CAB39: variants seen among roughly 807,000 people sequenced by gnomAD.
CAB39 encodes calcium binding protein 39, also known as calcium-binding protein 39.
A neutral mutation model predicts 40.0 loss-of-function variants in CAB39; 8 were observed. The ratio of observed to expected loss-of-function variants is 0.20; its 90% CI spans 0.12 to 0.36. CAB39 has a LOEUF of 0.36. CAB39 is among the 10% of genes least tolerant of loss of function. CAB39 has a pLI of 1.00. For synonymous variants in CAB39, 156 were observed against 141.6 expected, an observed-to-expected ratio of 1.10 and a Z score of -0.72; for missense variants, 270 against 401.1, an observed-to-expected ratio of 0.67 and a Z score of 2.79.
chr2:230,732,954 C>T (rs1694720707), intron 1 of CAB39, among the ~76,000 whole-genome samples: 2 of 152,152 alleles, frequency 1.3e-5, no homozygotes, highest in Non-Finnish European at 2.9e-5. Flanking sequence ...TTTACGTTAT[C>T]ACTGACAATT....
chr2:230,756,212 A>G (rs138645665), intron 1 of CAB39, among the ~76,000 whole-genome samples: 2 of 152,378 alleles, frequency 1.3e-5, no homozygotes, highest in Admixed American at 1.3e-4. Context: ...TTGTGCAAAC[A>G]TCATAGAGTG....
At chr2:230,757,960 A>G (rs577593401) in intron 1 of CAB39, among the ~76,000 whole-genome samples, 12 of 152,270 alleles carry the variant, frequency 7.9e-5, no homozygotes, top group African/African-American at 2.4e-4. Context: ...CGTCAGTTCA[A>G]ACTTTTAGGC....
In CAB39 at chr2:230,738,395, G is replaced by C. The variant is rs1316060555; in HGVS notation, c.-43-21564G>C. Among the ~76,000 whole-genome samples, 3 of 152,356 alleles carry C rather than the reference G, an allele frequency of 2.0e-5. No homozygotes were observed. In the East Asian group the frequency reaches 5.8e-4, roughly 29 times the overall value. ...CTTTTATATTTGATCATACCAGTCA[G>C]TTGGCAAATGAGGTTTGGTTACTTC... is the stretch of plus-strand genomic sequence containing the variant. On this transcript the variant is annotated intron_variant, in intron 1 of 8. Coordinates refer to ENST00000258418, the MANE Select transcript of CAB39 (RefSeq NM_016289.4).
chr2:230,733,270 A>G (rs1054064986), intron 1 of CAB39, among the ~76,000 whole-genome samples: 3 of 152,176 alleles, frequency 2.0e-5, no homozygotes, highest in East Asian at 1.9e-4. Context: ...TCATCTGACC[A>G]TTCAGCAGTT....
chr2:230,781,558 G>T (rs1416763065), intron 2 of CAB39, among the ~76,000 whole-genome samples: 1 of 152,242 alleles, frequency 6.6e-6, no homozygotes, highest in East Asian at 1.9e-4. Context: ...GCACTGAAAT[G>T]TGCAGGCTTG....
intron 2 of CAB39, among the ~76,000 whole-genome samples, chr2:230,773,314 A>ATATGTGTG (rs371297550): frequency 0.029 from 3,888 of 132,576 alleles, 69 homozygotes; most frequent in Non-Finnish European, 0.034. Context: ...ATATATATAT[A>ATATGTGTG]TGTGTGTGTG....
chr2:230,818,683 A>G lies in CAB39; in HGVS notation c.1005A>G (p.Arg335=). The G allele has an allele frequency of 6.2e-7, 1 of 1,613,712 alleles. No homozygotes were observed. Among genetic ancestry groups the G allele is most frequent in the Non-Finnish European group, 8.5e-7 (1 of 1,179,768 alleles). The change falls in exon 9 of 9, where the codon AGA becomes AGG. Residue 335 remains arginine, a synonymous_variant. Transcript: ENST00000258418. Reference sequence around the variant, plus strand: ...TTAAACAGATCAGGGATTTGAAGAGACCAGCTCAGCAAGAAGCTTAATCTC... The same window carrying G: ...TTAAACAGATCAGGGATTTGAAGAGGCCAGCTCAGCAAGAAGCTTAATCTC... The part of the protein sequence containing the change: ...YLVKQIRDLK[R]PAQQEA
At chr2:230,782,725 G>T (rs1047243402) in intron 2 of CAB39, among the ~76,000 whole-genome samples, 14 of 151,870 alleles carry the variant, frequency 9.2e-5, no homozygotes, top group South Asian at 4.2e-4. Flanking sequence ...AAACAGTGTG[G>T]CCGTACTGTG....
intron 2 of CAB39, among the ~76,000 whole-genome samples, chr2:230,787,851 G>A (rs1695821167): frequency 1.3e-5 from 2 of 152,228 alleles, no homozygotes. Flanking sequence ...TGGAAGAGAA[G>A]TTAAAATATT....
intron 5 of CAB39, among the ~76,000 whole-genome samples, chr2:230,801,848 G>A (rs899231955): frequency 6.0e-5 from 9 of 149,748 alleles, no homozygotes; most frequent in Non-Finnish European, 1.3e-4. Context: ...CACCCTGGGC[G>A]ACGGAGTGGG....
intron 1 of CAB39, chr2:230,713,784 G>T (rs1179974200): frequency 6.6e-6 from 1 of 152,338 alleles, no homozygotes; most frequent in African/African-American, 2.4e-5. Flanking sequence ...TAGTCGGCCC[G>T]CACCGGAGGG....
intron 2 of CAB39, among the ~76,000 whole-genome samples, chr2:230,766,647 G>C (rs150706107): frequency 5.3e-4 from 80 of 152,306 alleles, no homozygotes; most frequent in African/African-American, 1.6e-3. Flanking sequence ...TCAGTCCTCA[G>C]CCTGCCAAGT....
chr2:230,800,810 A>G (rs756742423), intron 5 of CAB39, among the ~76,000 whole-genome samples: 3 of 152,234 alleles, frequency 2.0e-5, no homozygotes, highest in Admixed American at 6.5e-5. Context: ...TGTACTGACT[A>G]TGTGCTGGAA....
chr2:230,802,043 A>G (rs1696099506), intron 5 of CAB39, among the ~76,000 whole-genome samples: 1 of 152,172 alleles, frequency 6.6e-6, no homozygotes, highest in Admixed American at 6.5e-5. Flanking sequence ...AGAATAAAAG[A>G]AGGTAGCCTC....
At chr2:230,767,475 A>G (rs1695407157) in intron 2 of CAB39, among the ~76,000 whole-genome samples, 1 of 152,210 alleles carries the variant, frequency 6.6e-6, no homozygotes, top group South Asian at 2.1e-4. Flanking sequence ...GATTCTTTCA[A>G]AACATGAGTC....
chr2:230,815,876 G>T (rs1483338086), intron 7 of CAB39, among the ~76,000 whole-genome samples: 1 of 152,146 alleles, frequency 6.6e-6, no homozygotes, highest in Non-Finnish European at 1.5e-5. Context: ...ATTTTAATTT[G>T]TACTCTCTTT....
chr2:230,813,497 G>A (rs558019269), intron 6 of CAB39, among the ~76,000 whole-genome samples: 38 of 152,140 alleles, frequency 2.5e-4, no homozygotes, highest in South Asian at 4.1e-4. Flanking sequence ...CCCCACCTTC[G>A]TTGTCGGCCT....
At chr2:230,759,268 G>A (rs1022907215) in intron 1 of CAB39, among the ~76,000 whole-genome samples, 6 of 152,236 alleles carry the variant, frequency 3.9e-5, no homozygotes, top group East Asian at 1.9e-4. Flanking sequence ...TGGGTGTGCC[G>A]AGGAAGTGTG....
chr2:230,768,693 G>A (rs542722380), intron 2 of CAB39, among the ~76,000 whole-genome samples: 2 of 152,322 alleles, frequency 1.3e-5, no homozygotes, highest in South Asian at 4.1e-4. Context: ...TGGTGGGTCA[G>A]TGGTTAGAGG....
Sources: gnomAD v4.1 joint callset for allele counts (sites outside exome capture counted in the v4.1 genomes callset) on GRCh38, gnomAD v4.1.1 for gene constraint, MANE v1.5 for transcripts, NCBI Gene and HGNC (gene_info 2026-07-23, HGNC 2026-07-21) for gene names.